The following FAM168A variants were observed in gnomAD, a reference collection of about 807,000 sequenced individuals.
FAM168A encodes protein FAM168A.
Under a neutral mutation model 28.5 loss-of-function variants are expected in FAM168A, and 3 were observed. The observed-to-expected ratio is 0.11, with a 90% CI of 0.05 to 0.27. The LOEUF (loss-of-function observed/expected upper bound fraction) is 0.27, where lower values mean the gene tolerates loss of function less well. Among genes scored for constraint, FAM168A ranks in the 10% least tolerant of loss-of-function variants. The pLI, the probability that FAM168A is intolerant of heterozygous loss-of-function variation, is 1.00. For missense variants in FAM168A, 222 were observed against 311.5 expected, an observed-to-expected ratio of 0.71 and a Z score of 2.16; for synonymous variants, 122 against 124.2, an observed-to-expected ratio of 0.98 and a Z score of 0.12.
intron 1 of FAM168A, among the ~76,000 whole-genome samples, chr11:73,594,677 G>A (rs1228787126): frequency 6.6e-6 from 1 of 152,144 alleles, no homozygotes; most frequent in Non-Finnish European, 1.5e-5. Context: ...TGGGATTACA[G>A]GCACGTGCTA....
intron 1 of FAM168A, among the ~76,000 whole-genome samples, chr11:73,506,300 A>C (rs1855113792): frequency 6.6e-6 from 1 of 152,186 alleles, no homozygotes; most frequent in South Asian, 2.1e-4. Context: ...AATCTGATCT[A>C]ATCTAACCTT....
intron 1 of FAM168A, among the ~76,000 whole-genome samples, chr11:73,561,821 C>CGACT (rs1943962233): frequency 6.6e-6 from 1 of 152,154 alleles, no homozygotes; most frequent in Non-Finnish European, 1.5e-5. Flanking sequence ...ACACTTTAGT[C>CGACT]ACTTTGGACA....
intron 1 of FAM168A, among the ~76,000 whole-genome samples, chr11:73,522,723 G>C (rs1411720039): frequency 6.8e-6 from 1 of 148,126 alleles, no homozygotes; most frequent in Non-Finnish European, 1.5e-5. Flanking sequence ...CAATATAAAA[G>C]ACAATGAGGC....
In FAM168A at chr11:73,471,914, T is replaced by C. The variant is rs187328790; in HGVS notation, c.-18-3422A>G. Among the ~76,000 whole-genome samples, 12 of 152,262 alleles carry C rather than the reference T, an allele frequency of 7.9e-5. No individual in the cohort carries two copies. In the East Asian group the frequency reaches 2.3e-3, roughly 29 times the overall value. ...CATGGACCAGCACCAGTCCATTCCA[T>C]GGCCTGCTAGGAACCAGGCAGCATA... On this transcript the variant is annotated intron_variant, in intron 1 of 7. Coordinates refer to ENST00000356467, the MANE Select transcript of FAM168A (RefSeq NM_015159.3).
chr11:73,427,640 C>T (rs1227705938), intron 3 of FAM168A, among the ~76,000 whole-genome samples: 1 of 152,164 alleles, frequency 6.6e-6, no homozygotes, highest in Non-Finnish European at 1.5e-5. Flanking sequence ...GAGTACCAAC[C>T]TCAAAAGTTT....
Position 73,407,501 on chromosome 11 carries a change from G to T in FAM168A, c.*18+12C>A. ...ATCCCCCTCCCACTTCTCTCACCCT[G>T]GCCACACTCACTTGGATGGGCTGCA... On this transcript the variant is annotated intron_variant, in intron 7 of 7. Coordinates refer to ENST00000356467, the MANE Select transcript of FAM168A (RefSeq NM_015159.3). The T allele has an allele frequency of 6.5e-7, 1 of 1,529,530 alleles. No homozygotes were observed. Among genetic ancestry groups the T allele is most frequent in the Non-Finnish European group, 8.8e-7 (1 of 1,139,900 alleles). The allele number at this position is 1,529,530 out of a possible 1,614,324, so 94.7% of individuals were successfully genotyped here.
chr11:73,484,281 T>G (rs1227017098), intron 1 of FAM168A, among the ~76,000 whole-genome samples: 1 of 152,138 alleles, frequency 6.6e-6, no homozygotes, highest in Non-Finnish European at 1.5e-5. Context: ...ATAAGCTGAA[T>G]AGCCCAGCCT....
intron 3 of FAM168A, among the ~76,000 whole-genome samples, chr11:73,421,076 G>A (rs1014200264): frequency 1.4e-5 from 2 of 142,646 alleles, no homozygotes; most frequent in African/African-American, 6.1e-5. Context: ...AGTCTTGGGG[G>A]GGGGGTCATG....
chr11:73,450,533 T>C (rs1867407280), intron 2 of FAM168A, among the ~76,000 whole-genome samples: 1 of 152,208 alleles, frequency 6.6e-6, no homozygotes, highest in Non-Finnish European at 1.5e-5. Flanking sequence ...ACAGAGACTT[T>C]GGAAACTGAC....
At chr11:73,538,046 T>C (rs770230388) in intron 1 of FAM168A, among the ~76,000 whole-genome samples, 1 of 152,198 alleles carries the variant, frequency 6.6e-6, no homozygotes, top group Non-Finnish European at 1.5e-5. Flanking sequence ...AAAGGTGATA[T>C]CTATAACTCC....
intron 2 of FAM168A, among the ~76,000 whole-genome samples, chr11:73,443,221 A>C (rs1273863503): frequency 1.3e-5 from 2 of 151,920 alleles, no homozygotes; most frequent in Non-Finnish European, 2.9e-5. Context: ...GTATACATTA[A>C]ATGTTAATAC....
intron 1 of FAM168A, among the ~76,000 whole-genome samples, chr11:73,527,717 C>T (rs1262537365): frequency 2.0e-5 from 3 of 151,762 alleles, no homozygotes; most frequent in East Asian, 1.9e-4. Flanking sequence ...CAGGTGGGTT[C>T]TAGAAAAGCT....
At chr11:73,554,307 T>C (rs1011745130) in intron 1 of FAM168A, among the ~76,000 whole-genome samples, 1 of 151,084 alleles carries the variant, frequency 6.6e-6, no homozygotes, top group Non-Finnish European at 1.5e-5. Flanking sequence ...CCCAGGAGTT[T>C]GAGGCTGCAG....
chr11:73,557,512 G>A lies in FAM168A; in HGVS notation c.-19+40411C>T, dbSNP rs1353198567. ...CCCAAAGTGCTGGGATTATAGGCAT[G>A]AGCCACCATCTCTGGCCAAAATTAA... On this transcript the variant is annotated intron_variant, in intron 1 of 7. Coordinates refer to ENST00000356467, the MANE Select transcript of FAM168A (RefSeq NM_015159.3). Among the ~76,000 whole-genome samples the A allele has an allele frequency of 4.6e-5, 7 of 152,074 alleles. No homozygotes were observed. The East Asian group carries it at 1.2e-3, about 25-fold the overall frequency.
At chr11:73,413,356 G>A (rs1866646999) in intron 4 of FAM168A, among the ~76,000 whole-genome samples, 1 of 152,200 alleles carries the variant, frequency 6.6e-6, no homozygotes, top group African/African-American at 2.4e-5. Context: ...TGAAAGAGAG[G>A]GAAGCATGTT....
At position 73,574,718 on chromosome 11, in the gene FAM168A, ATTTTT is replaced by A. The variant is rs10568027; in HGVS notation, c.-19+23200_-19+23204del. On this transcript the variant is annotated intron_variant, in intron 1 of 7. Coordinates refer to ENST00000356467, the MANE Select transcript of FAM168A (RefSeq NM_015159.3). ...GCTGGGATGTGCCACTACACCTGGC[ATTTTT>A]TTTTTTTTTTTTTTTTTTTTAGTAG... Among the ~76,000 whole-genome samples the A allele has an allele frequency of 2.2e-3, 192 of 88,638 alleles. 1 individual carries two copies. Among genetic ancestry groups the A allele is most frequent in the African/African-American group, 7.0e-3 (180 of 25,690 alleles). The allele number at this position is 88,638 out of a possible 152,430, so 58.1% of individuals were successfully genotyped here. A position where few individuals can be genotyped will look rare whatever the true frequency, so the allele number is the denominator to read the frequency against.
At chr11:73,432,364 A>G (rs1012797117) in intron 2 of FAM168A, among the ~76,000 whole-genome samples, 6 of 152,140 alleles carry the variant, frequency 3.9e-5, no homozygotes, top group Non-Finnish European at 8.8e-5. Flanking sequence ...GTTTTTCACA[A>G]TGTCTGTACT....
intron 1 of FAM168A, 101 bp downstream of exon 1, chr11:73,597,822 C>G (rs1459519142): frequency 2.0e-5 from 3 of 152,268 alleles, no homozygotes; most frequent in Non-Finnish European, 2.9e-5. Context: ...CCCCTCCCCC[C>G]AACCTGCACG....
chr11:73,454,156 C>T (rs918065832), intron 2 of FAM168A, among the ~76,000 whole-genome samples: 2 of 152,140 alleles, frequency 1.3e-5, no homozygotes, highest in African/African-American at 4.8e-5. Flanking sequence ...CCTTCATTAA[C>T]ACCAGGGATT....
Sources: gnomAD v4.1 joint callset for allele counts (sites outside exome capture counted in the v4.1 genomes callset) on GRCh38, gnomAD v4.1.1 for gene constraint, MANE v1.5 for transcripts, NCBI Gene and HGNC (gene_info 2026-07-23, HGNC 2026-07-21) for gene names.